Variants in RNLS observed in about 807,000 individuals in gnomAD.
RNLS encodes renalase, FAD dependent amine oxidase.
Under a neutral mutation model 39.8 loss-of-function variants are expected in RNLS, and 39 were observed. That is an observed-to-expected ratio of 0.98 (90% CI 0.76 to 1.28). The LOEUF (loss-of-function observed/expected upper bound fraction) is 1.28, where lower values mean the gene tolerates loss of function less well. Among genes scored for constraint, RNLS ranks in the 50% most tolerant of loss-of-function variants. The pLI is 0.00. For synonymous variants in RNLS, 147 were observed against 150.7 expected (o/e 0.98, Z 0.18); for missense variants, 410 against 413.3 (o/e 0.99, Z 0.07).
chr10:88,181,701 C>T, the RNLS span, among the ~76,000 whole-genome samples: 96 of 152,078 alleles, frequency 6.3e-4, no homozygotes, highest in African/African-American at 1.6e-3. Context: ...AGTGCATTGC[C>T]GAATTTAAGG....
chr10:88,512,960 C>A (rs1004343088), intron 4 of RNLS, among the ~76,000 whole-genome samples: 1 of 152,132 alleles, frequency 6.6e-6, no homozygotes, highest in African/African-American at 2.4e-5. Flanking sequence ...ATAATACCTA[C>A]CTCACAGGCT....
At chr10:88,442,965 G>A (rs1006563794) in intron 4 of RNLS, among the ~76,000 whole-genome samples, 1 of 152,052 alleles carries the variant, frequency 6.6e-6, no homozygotes, top group Non-Finnish European at 1.5e-5. Flanking sequence ...CCTTAAATTT[G>A]GCGTTCCCTG....
At chr10:88,434,584 G>A (rs939587750) in intron 4 of RNLS, among the ~76,000 whole-genome samples, 5 of 152,088 alleles carry the variant, frequency 3.3e-5, no homozygotes, top group African/African-American at 1.2e-4. Flanking sequence ...CAATAAACTG[G>A]GATAACAGTC....
At chr10:88,270,247 T>G (rs1443207535), downstream of RNLS, among the ~76,000 whole-genome samples, 1 of 152,184 alleles carries the variant, frequency 6.6e-6, no homozygotes, top group African/African-American at 2.4e-5. Context: ...GAGACGCAAA[T>G]TAGACCTATT....
At chr10:88,434,652 T>G (rs1043203258) in intron 4 of RNLS, among the ~76,000 whole-genome samples, 1 of 152,176 alleles carries the variant, frequency 6.6e-6, no homozygotes, top group African/African-American at 2.4e-5. Flanking sequence ...TGTATGTGAT[T>G]ATACATAAAC....
At chr10:88,425,208 G>A (rs898648205) in intron 4 of RNLS, among the ~76,000 whole-genome samples, 6 of 152,090 alleles carry the variant, frequency 3.9e-5, no homozygotes, top group African/African-American at 1.4e-4. Flanking sequence ...TGGCAGAGAT[G>A]CATTAGTTGT....
the RNLS span, among the ~76,000 whole-genome samples, chr10:88,197,846 C>T: frequency 6.6e-6 from 1 of 152,182 alleles, no homozygotes; most frequent in Non-Finnish European, 1.5e-5. Context: ...CGGCTATCTA[C>T]AAGCCAAGGA....
At chr10:88,351,610 C>T (rs1320749309) in intron 5 of RNLS, among the ~76,000 whole-genome samples, 2 of 152,180 alleles carry the variant, frequency 1.3e-5, no homozygotes, top group African/African-American at 4.8e-5. Flanking sequence ...GGTACCAGTA[C>T]CATGCTGTTT....
chr10:88,174,514 GATC>G, the RNLS span, among the ~76,000 whole-genome samples: 1 of 152,096 alleles, frequency 6.6e-6, no homozygotes, highest in Non-Finnish European at 1.5e-5. Flanking sequence ...CTATTGAGAT[GATC>G]ATATGTTTTT....
chr10:88,546,891 C>A (rs1848340587), intron 4 of RNLS, among the ~76,000 whole-genome samples: 1 of 137,204 alleles, frequency 7.3e-6, no homozygotes, highest in South Asian at 2.5e-4. Flanking sequence ...AAATTGATTT[C>A]TTACCATGAA....
intron 4 of RNLS, among the ~76,000 whole-genome samples, chr10:88,470,696 A>C (rs180894116): frequency 6.6e-6 from 1 of 150,860 alleles, no homozygotes; most frequent in Non-Finnish European, 1.5e-5. Context: ...GCTCACTGCA[A>C]CCTCCACCTC....
chr10:88,470,617 A>ATTTTT (rs10676559), intron 4 of RNLS, among the ~76,000 whole-genome samples: 1 of 141,666 alleles, frequency 7.1e-6, no homozygotes, highest in Non-Finnish European at 1.5e-5. Context: ...TGTAATTTTA[A>ATTTTT]TTTTTTTTTT....
chr10:88,573,297 T>G lies in RNLS; in HGVS notation c.368-236A>C, dbSNP rs553324584. ...CTGAATCAAAAACTACTCCTACAAT[T>G]AGTGATAAAAATAAAAATAATAACT... On this transcript the variant is annotated intron_variant, in intron 3 of 6. Transcript: ENST00000331772. 6.0e-4 allele frequency among the ~76,000 whole-genome samples: 91 copies of G among 152,290 alleles called. 1 individual carries two copies. Among genetic ancestry groups the G allele is most frequent in the African/African-American group, 2.1e-3 (89 of 41,550 alleles).
At chr10:88,184,487 G>C in the RNLS span, among the ~76,000 whole-genome samples, 4 of 152,080 alleles carry the variant, frequency 2.6e-5, no homozygotes, top group African/African-American at 9.7e-5. Context: ...ATCATGCTGG[G>C]AGACAGAGAT....
At chr10:88,208,475 C>T in the RNLS span, among the ~76,000 whole-genome samples, 1 of 152,004 alleles carries the variant, frequency 6.6e-6, no homozygotes. Context: ...AAAGAGTAAT[C>T]CCCTAGAGCC....
At chr10:88,375,071 C>CTCT (rs1210319569) in intron 4 of RNLS, among the ~76,000 whole-genome samples, 5 of 152,228 alleles carry the variant, frequency 3.3e-5, no homozygotes, top group Admixed American at 6.6e-5. Context: ...GTTACTCTCT[C>CTCT]TCTTCCTCTT....
At chr10:88,563,530 C>T (rs980046733) in intron 4 of RNLS, among the ~76,000 whole-genome samples, 4 of 152,020 alleles carry the variant, frequency 2.6e-5, no homozygotes, top group African/African-American at 9.7e-5. Flanking sequence ...TTTGAAAAAT[C>T]CACTGAACAA....
chr10:88,205,401 C>T, the RNLS span, among the ~76,000 whole-genome samples: 2 of 152,052 alleles, frequency 1.3e-5, no homozygotes, highest in African/African-American at 4.8e-5. Flanking sequence ...CAGAGGACAC[C>T]CTTAAGATAA....
At chr10:88,525,682 A>G (rs1178224032) in intron 4 of RNLS, among the ~76,000 whole-genome samples, 2 of 152,172 alleles carry the variant, frequency 1.3e-5, no homozygotes, top group East Asian at 3.8e-4. Context: ...TTAAGATCTT[A>G]CAAATAGATA....
Sources: gnomAD v4.1 joint callset for allele counts (sites outside exome capture counted in the v4.1 genomes callset) on GRCh38, gnomAD v4.1.1 for gene constraint, MANE v1.5 for transcripts, NCBI Gene and HGNC (gene_info 2026-07-23, HGNC 2026-07-21) for gene names.